ABCA10: variants seen among roughly 807,000 people sequenced by gnomAD.
ABCA10 encodes ATP-binding cassette sub-family A member 10.
In ABCA10, 169 loss-of-function variants were observed where a neutral mutation model predicts 187.5. The observed-to-expected ratio is 0.90, with a 90% CI of 0.80 to 1.02. ABCA10 has a LOEUF of 1.02. Ranked by LOEUF, ABCA10 falls within the 50% of genes least tolerant of loss-of-function variation. The pLI is 0.00. For synonymous variants in ABCA10, 574 were observed against 601.8 expected, an observed-to-expected ratio of 0.95 and a Z score of 0.68; for missense variants, 1,727 against 1,812.4, an observed-to-expected ratio of 0.95 and a Z score of 0.86.
chr17:69,148,127 C>G lies in ABCA10; in HGVS notation c.*700G>C, dbSNP rs1255697560. ...GCAGCAATTATATAACACAAAAGTG[C>G]TATAATGACATGGGAAATGTTCATG... On this transcript the variant is annotated 3_prime_UTR_variant, in exon 39 of 39. Transcript: ENST00000690296. 1 of 152,014 alleles carries G rather than the reference C, an allele frequency of 6.6e-6. No individual in the cohort carries two copies. The highest frequency in any genetic ancestry group is 1.5e-5 in the Non-Finnish European group (1 of 68,010). The allele number at this position is 152,014 out of a possible 1,614,324, so 9.4% of individuals were successfully genotyped here. A position where few individuals can be genotyped will look rare whatever the true frequency, so the allele number is the denominator to read the frequency against.
chr17:69,182,138 G>C lies in ABCA10; in HGVS notation c.2769+15C>G. On this transcript the variant is annotated intron_variant, in intron 22 of 38. Transcript: ENST00000690296. The stretch of plus-strand genomic sequence containing the variant: ...TGCTGTGTTGCCTCTTATATAAGTC[G>C]AATACTCTACTTACACGAGAAAATG... 6.5e-7 allele frequency: 1 copy of C among 1,545,680 alleles called. No homozygotes were observed. Among genetic ancestry groups the C allele is most frequent in the Non-Finnish European group, 8.7e-7 (1 of 1,146,162 alleles).
At chr17:69,238,649 T>G (rs1235636807) in intron 1 of ABCA10, among the ~76,000 whole-genome samples, 1 of 152,220 alleles carries the variant, frequency 6.6e-6, no homozygotes, top group Non-Finnish European at 1.5e-5. Context: ...TTAAAATGAT[T>G]GGGCATTCTG....
chr17:69,176,375 T>G (rs2074333935), intron 22 of ABCA10, among the ~76,000 whole-genome samples: 1 of 152,068 alleles, frequency 6.6e-6, no homozygotes, highest in Non-Finnish European at 1.5e-5. Context: ...GGTCTTTAAG[T>G]TTTTTTCAAG....
rs1436476004 is a variant in ABCA10, at chr17:69,201,597, G to C, written c.1078C>G (p.His360Asp). The change falls in exon 10 of 39, where the codon CAT (histidine) becomes GAT (aspartate). Residue 360 changes from histidine (H) to aspartate (D), a missense_variant. By Grantham distance (81) the His-to-Asp change is moderately conservative (BLOSUM62 -1). Transcript: ENST00000690296. ...ATTTCATTCTCAAAGATTTCATGAT[G>C]AGTATTTTGATGTTTGGACCAAAAT... is the stretch of plus-strand genomic sequence containing the variant. ...SSFWSKHQNT[H>D]HEIFENEINP... 6.2e-7 allele frequency: 1 copy of C among 1,612,690 alleles called. No individual in the cohort carries two copies. The highest frequency in any genetic ancestry group is 1.7e-5 in the Admixed American group (1 of 59,786).
At chr17:69,233,887 A>G (rs1201633232) in intron 1 of ABCA10, 2 of 152,208 alleles carry the variant, frequency 1.3e-5, no homozygotes, top group African/African-American at 2.4e-5. Context: ...GGGAAGACCA[A>G]AGAAGGGTAC....
chr17:69,154,161 T>C (rs1365466947), intron 31 of ABCA10, 74 bp downstream of exon 31: 2 of 1,455,916 alleles, frequency 1.4e-6, no homozygotes, highest in Non-Finnish European at 1.9e-6. Flanking sequence ...TAAAAAGATA[T>C]TTGATTTACT....
intron 9 of ABCA10, among the ~76,000 whole-genome samples, chr17:69,205,145 A>G (rs534437195): frequency 4.1e-4 from 63 of 152,212 alleles, no homozygotes; most frequent in African/African-American, 1.5e-3. Context: ...TAAATAAATA[A>G]ATTAGATTTA....
chr17:69,187,451 C>T (rs1388429087), intron 19 of ABCA10, among the ~76,000 whole-genome samples: 1 of 152,134 alleles, frequency 6.6e-6, no homozygotes, highest in Non-Finnish European at 1.5e-5. Context: ...TCTCCTGTCT[C>T]CTTGTGAGTC....
intron 27 of ABCA10, among the ~76,000 whole-genome samples, chr17:69,162,820 C>A (rs923285864): frequency 9.5e-5 from 6 of 63,490 alleles, no homozygotes; most frequent in Non-Finnish European, 1.6e-4. Context: ...TATACATATA[C>A]ATATACATAT....
intron 9 of ABCA10, among the ~76,000 whole-genome samples, chr17:69,211,344 T>G (rs1214318274): frequency 2.5e-5 from 1 of 40,302 alleles, no homozygotes; most frequent in Non-Finnish European, 5.0e-5. Context: ...TATATATATA[T>G]ATATATATAT....
In ABCA10 at chr17:69,183,007, C is replaced by T. The variant is rs113663379; in HGVS notation, c.2498-199G>A. Among the ~76,000 whole-genome samples the T allele has an allele frequency of 3.9e-5, 6 of 152,212 alleles. 1 individual carries two copies. The highest frequency in any genetic ancestry group is 1.9e-4 in the East Asian group (1 of 5,176). On this transcript the variant is annotated intron_variant, in intron 20 of 38. Coordinates refer to ENST00000690296, the MANE Select transcript of ABCA10 (RefSeq NM_001377321.1). Reference sequence around the variant, plus strand: ...GTTCCATTTACTATCTTCAATGTGACGGACTCCTTTATTCTTTTCAGAAAT... The same window carrying T: ...GTTCCATTTACTATCTTCAATGTGATGGACTCCTTTATTCTTTTCAGAAAT...
chr17:69,197,073 C>A lies in ABCA10; in HGVS notation c.1225G>T (p.Ala409Ser). 6.3e-7 allele frequency: 1 copy of A among 1,587,296 alleles called. No individual in the cohort carries two copies. Among genetic ancestry groups the A allele is most frequent in the South Asian group, 1.1e-5 (1 of 89,078 alleles). Reference protein sequence around the residue: ...EYNGKTGKVEALQGIFFDIYE... With the variant: ...EYNGKTGKVESLQGIFFDIYE... ...GAGTTTTTCTTTTTACCTTGCAATG[C>A]TTCTACTTTTCCAGTCTTTCCATTA... The change falls in exon 11 of 39, where the codon GCA (alanine) becomes TCA (serine). Residue 409 changes from alanine (A) to serine (S), a missense_variant. Physicochemically the swap from Ala to Ser is moderately conservative, Grantham distance 99. Coordinates refer to ENST00000690296, the MANE Select transcript of ABCA10 (RefSeq NM_001377321.1).
intron 22 of ABCA10, 24 bp downstream of exon 22, chr17:69,182,129 A>G: frequency 6.5e-7 from 1 of 1,541,718 alleles, no homozygotes; most frequent in South Asian, 1.3e-5. Flanking sequence ...GTTGCCTCTT[A>G]TATAAGTCGA....
At chr17:69,164,728 G>A (rs568512190) in intron 26 of ABCA10, among the ~76,000 whole-genome samples, 1 of 152,232 alleles carries the variant, frequency 6.6e-6, no homozygotes, top group Admixed American at 6.5e-5. Flanking sequence ...ATAAACCACG[G>A]TTGGGCTTCC....
chr17:69,193,762 T>C (rs2144805868), intron 13 of ABCA10, 52 bp downstream of exon 13: 13 of 1,582,876 alleles, frequency 8.2e-6, no homozygotes, highest in East Asian at 2.2e-5. Context: ...AAAAAATATA[T>C]AGTCAAAAGT....
intron 1 of ABCA10, among the ~76,000 whole-genome samples, chr17:69,235,738 G>A (rs2074864547): frequency 6.7e-6 from 1 of 149,984 alleles, no homozygotes; most frequent in Non-Finnish European, 1.5e-5. Context: ...CACCTGGCAG[G>A]ATTAGAAACT....
At chr17:69,187,562 A>T in intron 19 of ABCA10, 119 bp downstream of exon 19, 1 of 1,078,954 alleles carries the variant, frequency 9.3e-7, no homozygotes, top group Non-Finnish European at 1.3e-6. Flanking sequence ...TAACAGCAGG[A>T]TAGGTAAACA....
chr17:69,187,987 A>ATT, intron 18 of ABCA10, 108 bp from the exon 19 acceptor site: 1 of 958,256 alleles, frequency 1.0e-6, no homozygotes, highest in Non-Finnish European at 1.5e-6. Flanking sequence ...CCAACAAGTT[A>ATT]AGCTACTGAT....
intron 36 of ABCA10, among the ~76,000 whole-genome samples, chr17:69,151,088 T>A (rs1393403126): frequency 6.6e-6 from 1 of 152,196 alleles, no homozygotes; most frequent in Admixed American, 6.5e-5. Context: ...CTCAATGACC[T>A]CTTCCTTCTC....
Sources: allele counts gnomAD v4.1 joint callset (sites outside exome capture counted in the v4.1 genomes callset), GRCh38; gene constraint gnomAD v4.1.1; transcripts MANE v1.5; gene names NCBI Gene and HGNC (gene_info 2026-07-23, HGNC 2026-07-21).